Variants in ASTN2 observed in about 807,000 individuals in gnomAD.
ASTN2 encodes the protein astrotactin 2.
ASTN2 carries 54 observed loss-of-function variants against 139.8 expected under a neutral mutation model. The observed-to-expected ratio is 0.39, with a 90% CI of 0.31 to 0.48. The LOEUF (loss-of-function observed/expected upper bound fraction) is 0.48. ASTN2 is among the 20% of genes least tolerant of loss of function. The pLI, the probability that ASTN2 is intolerant of heterozygous loss-of-function variation, is 0.95. For synonymous variants in ASTN2, 756 were observed against 719.5 expected (o/e 1.05, Z -0.81); for missense variants, 1,565 against 1,725.1 (o/e 0.91, Z 1.64).
intron 19 of ASTN2, among the ~76,000 whole-genome samples, chr9:116,545,557 A>G (rs73524141): frequency 0.013 from 1,979 of 152,296 alleles, 38 homozygotes; most frequent in African/African-American, 0.045. Context: ...TCATCCCCTG[A>G]GGTCTAACCA....
intron 11 of ASTN2, among the ~76,000 whole-genome samples, chr9:116,855,626 C>T (rs563990954): frequency 2.6e-5 from 4 of 152,150 alleles, no homozygotes; most frequent in African/African-American, 7.2e-5. Context: ...TGGGGACATT[C>T]GCCTTATCCC....
chr9:117,371,236 G>C (rs1407343597), intron 1 of ASTN2, among the ~76,000 whole-genome samples: 1 of 151,832 alleles, frequency 6.6e-6, no homozygotes, highest in Non-Finnish European at 1.5e-5. Context: ...TAACAATCCC[G>C]AGGGAAGGCC....
intron 10 of ASTN2, among the ~76,000 whole-genome samples, chr9:116,925,507 A>G (rs1352026172): frequency 1.3e-5 from 2 of 152,210 alleles, no homozygotes; most frequent in African/African-American, 2.4e-5. Flanking sequence ...CTGGAAGGAC[A>G]TGCAGATGTA....
intron 13 of ASTN2, among the ~76,000 whole-genome samples, chr9:116,779,992 T>C (rs1016342797): frequency 5.3e-5 from 8 of 152,248 alleles, no homozygotes; most frequent in African/African-American, 1.4e-4. Context: ...CTGAGTAGTT[T>C]ATTTGATTTT....
intron 1 of ASTN2, among the ~76,000 whole-genome samples, chr9:117,383,802 G>A (rs1014566467): frequency 1.3e-5 from 2 of 152,156 alleles, no homozygotes; most frequent in Non-Finnish European, 1.5e-5. Context: ...GATGCAGTCT[G>A]GGAGCTGATA....
intron 19 of ASTN2, among the ~76,000 whole-genome samples, chr9:116,512,067 G>T (rs954118651): frequency 1.3e-5 from 2 of 152,006 alleles, no homozygotes; most frequent in Non-Finnish European, 2.9e-5. Context: ...GTTTGCTCTT[G>T]CTTCTCTAGT....
At chr9:117,231,640 G>A (rs1832894942) in intron 2 of ASTN2, among the ~76,000 whole-genome samples, 1 of 152,162 alleles carries the variant, frequency 6.6e-6, no homozygotes, top group Non-Finnish European at 1.5e-5. Context: ...AGTCCAAGAA[G>A]CCAACGGTTT....
intron 12 of ASTN2, among the ~76,000 whole-genome samples, chr9:116,806,688 T>C (rs1818457580): frequency 6.6e-6 from 1 of 152,060 alleles, no homozygotes; most frequent in South Asian, 2.1e-4. Flanking sequence ...CATGAGTGAG[T>C]CATTTAACTT....
At chr9:117,406,354 C>T (rs1367310420) in intron 1 of ASTN2, among the ~76,000 whole-genome samples, 8 of 152,160 alleles carry the variant, frequency 5.3e-5, no homozygotes, top group Non-Finnish European at 8.8e-5. Context: ...TAAGTCAGAC[C>T]TTGGCACTGT....
chr9:117,011,668 A>T lies in ASTN2; in HGVS notation c.1424-3409T>A, dbSNP rs573866159. ...ACTATCCTTTGAATGTCCTCTGCTC[A>T]TTCGTGGCATGAATGTGATATGTAT... On this transcript the variant is annotated intron_variant, in intron 6 of 22. Transcript: ENST00000313400. 3.3e-5 allele frequency among the ~76,000 whole-genome samples: 5 copies of T among 152,322 alleles called. No individual in the cohort carries two copies. In the South Asian group the frequency reaches 1.0e-3, roughly 32 times the overall value.
chr9:117,243,943 C>T (rs1432621030), intron 2 of ASTN2, among the ~76,000 whole-genome samples: 2 of 151,974 alleles, frequency 1.3e-5, no homozygotes, highest in East Asian at 3.9e-4. Flanking sequence ...AATTGTAATC[C>T]CCCTAATCCC....
At chr9:116,949,816 C>A (rs893665674) in intron 10 of ASTN2, among the ~76,000 whole-genome samples, 22 of 152,144 alleles carry the variant, frequency 1.4e-4, no homozygotes, top group African/African-American at 5.1e-4. Flanking sequence ...TTGAAACTTT[C>A]TTTGCCCTGT....
chr9:116,761,529 T>C (rs1280877935), intron 13 of ASTN2, among the ~76,000 whole-genome samples: 3 of 152,046 alleles, frequency 2.0e-5, no homozygotes, highest in Admixed American at 1.3e-4. Context: ...ATCAGAGTAT[T>C]TTAGGCAGAG....
At chr9:116,733,220 G>C (rs1485168091) in intron 14 of ASTN2, among the ~76,000 whole-genome samples, 179 bp downstream of exon 14, 2 of 152,226 alleles carry the variant, frequency 1.3e-5, no homozygotes, top group African/African-American at 4.8e-5. Context: ...GAAGTCCCTG[G>C]TTCTGCTCAG....
chr9:117,093,073 G>A (rs1828746762), intron 5 of ASTN2, among the ~76,000 whole-genome samples: 1 of 152,144 alleles, frequency 6.6e-6, no homozygotes, highest in African/African-American at 2.4e-5. Flanking sequence ...TCAGAAATAT[G>A]CCCCATGTCC....
chr9:117,209,017 T>C (rs1442531491), intron 3 of ASTN2, among the ~76,000 whole-genome samples: 1 of 152,136 alleles, frequency 6.6e-6, no homozygotes, highest in East Asian at 1.9e-4. Flanking sequence ...ACTATGATCA[T>C]GAAAATATGC....
At position 116,717,723 on chromosome 9, in the gene ASTN2, G is replaced by A. The variant is rs73655478; in HGVS notation, c.2806+8048C>T. Among the ~76,000 whole-genome samples, 1,429 of 152,302 alleles carry A rather than the reference G, an allele frequency of 9.4e-3. 18 individuals are homozygous for A. The highest frequency in any genetic ancestry group is 0.032 in the African/African-American group (1,334 of 41,564). ...AATCAGAAAAGCCAGGTTTATCTGA[G>A]TTCAAAGTCAGTGCTTTCAAATTTT... On this transcript the variant is annotated intron_variant, in intron 16 of 22. Coordinates refer to ENST00000313400, the MANE Select transcript of ASTN2 (RefSeq NM_001365068.1).
rs955524991 is a variant in ASTN2, at chr9:116,699,756, T to G, written c.2806+26015A>C. 5 of 1,613,156 alleles carry G rather than the reference T, an allele frequency of 3.1e-6. No homozygotes were observed. The African/African-American group carries it at 6.7e-5, about 22-fold the overall frequency. ...GCTCCCAAGCCAACTTCCCTTCCCTTAGTTCTTGGTTGTTAGTGGCACATG... is the reference window on the plus strand; with the variant it reads ...GCTCCCAAGCCAACTTCCCTTCCCTGAGTTCTTGGTTGTTAGTGGCACATG... On this transcript the variant is annotated intron_variant, in intron 16 of 22. Coordinates refer to ENST00000313400, the MANE Select transcript of ASTN2 (RefSeq NM_001365068.1). This position sits in a 1 kb window ranked among gnomAD's most constrained non-coding sequence, Gnocchi z 4.2.
At chr9:117,250,142 A>G (rs1335419) in intron 2 of ASTN2, among the ~76,000 whole-genome samples, 82,394 of 152,032 alleles carry the variant, frequency 0.54, 25,384 homozygotes, top group East Asian at 0.77. Context: ...ACACACACCC[A>G]CACACCCACA....
Sources: allele counts gnomAD v4.1 joint callset (sites outside exome capture counted in the v4.1 genomes callset), GRCh38; gene constraint gnomAD v4.1.1; non-coding constraint Gnocchi (gnomAD v3.1); transcripts MANE v1.5; gene names NCBI Gene and HGNC (gene_info 2026-07-23, HGNC 2026-07-21).